Variants in OSMR observed in about 807,000 individuals in gnomAD.
OSMR encodes oncostatin-M-specific receptor subunit beta.
OSMR carries 81 observed loss-of-function variants against 99.9 expected under a neutral mutation model. The ratio of observed to expected loss-of-function variants is 0.81; its 90% CI spans 0.68 to 0.97. The LOEUF is 0.97. OSMR is among the 50% of genes least tolerant of loss of function. OSMR has a pLI of 0.00. For synonymous variants in OSMR, 406 were observed against 410.4 expected, an observed-to-expected ratio of 0.99 and a Z score of 0.13; for missense variants, 1,099 against 1,153.4, an observed-to-expected ratio of 0.95 and a Z score of 0.68.
At chr5:38,871,578 C>T (rs1009338666) in intron 2 of OSMR, among the ~76,000 whole-genome samples, 9 of 152,190 alleles carry the variant, frequency 5.9e-5, no homozygotes, top group East Asian at 1.9e-4. Context: ...CTCCAATCAA[C>T]GAGGCAGAGC....
rs1038219027 is a variant in OSMR, at chr5:38,871,438, T to G, written c.73+2321T>G. Reference sequence around the variant, plus strand: ...TTGCCCTGACCTGTACTATTTGGATTTCTTGTCTCAATTTCTGCTGCATTT... The same window carrying G: ...TTGCCCTGACCTGTACTATTTGGATGTCTTGTCTCAATTTCTGCTGCATTT... On this transcript the variant is annotated intron_variant, in intron 2 of 17. Transcript: ENST00000274276. 9.9e-5 allele frequency among the ~76,000 whole-genome samples: 15 copies of G among 152,248 alleles called. 1 individual carries two copies. The highest frequency in any genetic ancestry group is 3.6e-4 in the African/African-American group (15 of 41,456).
intron 9 of OSMR, 132 bp from the exon 10 acceptor site, chr5:38,917,414 G>T: frequency 6.8e-7 from 1 of 1,477,742 alleles, no homozygotes; most frequent in Non-Finnish European, 9.1e-7. Context: ...AAGTCATAGA[G>T]AGTGAAAACG....
chr5:38,861,572 C>T (rs1055841866), intron 1 of OSMR, among the ~76,000 whole-genome samples: 1 of 152,240 alleles, frequency 6.6e-6, no homozygotes, highest in African/African-American at 2.4e-5. Context: ...CCCACCTTTC[C>T]CCCCTCTCTA....
chr5:38,939,238 G>C (rs1422647733), downstream of OSMR: 9 of 232,632 alleles, frequency 3.9e-5, no homozygotes, highest in African/African-American at 2.0e-4. Flanking sequence ...TGAACACTTG[G>C]CCGTTGTGAT....
At chr5:38,857,930 A>G (rs1011429758) in intron 1 of OSMR, among the ~76,000 whole-genome samples, 1 of 152,030 alleles carries the variant, frequency 6.6e-6, no homozygotes, top group Non-Finnish European at 1.5e-5. Context: ...AGCCTCCCAA[A>G]ATGCTGGGAT....
intron 11 of OSMR, among the ~76,000 whole-genome samples, chr5:38,920,583 G>A (rs1483242995): frequency 3.9e-5 from 6 of 152,140 alleles, no homozygotes; most frequent in African/African-American, 1.4e-4. Context: ...TTATACCTAG[G>A]GCTACACATT....
chr5:38,918,409 C>T (rs753169359), intron 10 of OSMR, among the ~76,000 whole-genome samples: 1 of 152,102 alleles, frequency 6.6e-6, no homozygotes, highest in Non-Finnish European at 1.5e-5. Flanking sequence ...AGCAGCTAAT[C>T]CCTGTACGGC....
intron 10 of OSMR, 22 bp from the exon 11 acceptor site, chr5:38,918,817 AT>A: frequency 6.2e-7 from 1 of 1,613,158 alleles, no homozygotes; most frequent in Non-Finnish European, 8.5e-7. Context: ...CCATTTAAAA[AT>A]GTTTATCAAT....
intron 7 of OSMR, among the ~76,000 whole-genome samples, chr5:38,899,168 C>T (rs1401740438): frequency 6.6e-6 from 1 of 152,070 alleles, no homozygotes; most frequent in Non-Finnish European, 1.5e-5. Flanking sequence ...CCATGTTGGC[C>T]AGGCTGGTCT....
intron 13 of OSMR, 22 bp from the exon 14 acceptor site, chr5:38,924,400 T>C (rs2112664686): frequency 1.9e-6 from 3 of 1,614,070 alleles, no homozygotes; most frequent in South Asian, 1.1e-5. Context: ...GACTTTTCTC[T>C]TATCCCAACT....
At chr5:38,881,521 G>T in intron 3 of OSMR, 72 bp from the exon 4 acceptor site, 3 of 1,613,246 alleles carry the variant, frequency 1.9e-6, no homozygotes, top group South Asian at 1.1e-5. Context: ...TGTGCTTTGG[G>T]ATAAGTCAAG....
intron 2 of OSMR, among the ~76,000 whole-genome samples, chr5:38,873,998 G>A (rs542155917): frequency 1.3e-5 from 2 of 151,906 alleles, no homozygotes; most frequent in East Asian, 3.9e-4. Flanking sequence ...CCAGCTACTT[G>A]TTGTATTTTT....
intron 14 of OSMR, among the ~76,000 whole-genome samples, chr5:38,924,859 C>G (rs1278722717): frequency 6.7e-6 from 1 of 149,352 alleles, no homozygotes; most frequent in Non-Finnish European, 1.5e-5. Flanking sequence ...GAAAGCCTGG[C>G]CTTTATGAAA....
intron 3 of OSMR, among the ~76,000 whole-genome samples, chr5:38,877,561 G>C (rs1579683319): frequency 6.6e-6 from 1 of 152,052 alleles, no homozygotes. Context: ...CCTTATACTA[G>C]CAAGTCTGAT....
intron 9 of OSMR, among the ~76,000 whole-genome samples, chr5:38,912,927 C>T: frequency 6.6e-6 from 1 of 152,030 alleles, no homozygotes; most frequent in Non-Finnish European, 1.5e-5. Flanking sequence ...AAAATTAACT[C>T]GAGATGAATT....
intron 15 of OSMR, among the ~76,000 whole-genome samples, chr5:38,930,859 A>G (rs1207601976): frequency 6.6e-6 from 1 of 152,124 alleles, no homozygotes; most frequent in African/African-American, 2.4e-5. Context: ...GACTACAAAG[A>G]TTAATAATAA....
chr5:38,865,829 T>A (rs1194973707), intron 1 of OSMR, among the ~76,000 whole-genome samples: 2 of 152,150 alleles, frequency 1.3e-5, no homozygotes, highest in Admixed American at 6.5e-5. Context: ...GTGCTGGTAA[T>A]GGTAGTTGTG....
intron 7 of OSMR, among the ~76,000 whole-genome samples, chr5:38,899,031 G>A (rs1040635425): frequency 1.5e-5 from 2 of 134,282 alleles, no homozygotes; most frequent in Non-Finnish European, 3.0e-5. Context: ...TGCGATTTTA[G>A]CTCACTGCAA....
At chr5:38,849,587 C>T (rs1391820706) in intron 1 of OSMR, among the ~76,000 whole-genome samples, 2 of 151,902 alleles carry the variant, frequency 1.3e-5, no homozygotes, top group Admixed American at 6.6e-5. Flanking sequence ...AAATCACATA[C>T]ATTTTCTCTT....
Sources: gnomAD v4.1 joint callset for allele counts (sites outside exome capture counted in the v4.1 genomes callset) on GRCh38, gnomAD v4.1.1 for gene constraint, MANE v1.5 for transcripts, NCBI Gene and HGNC (gene_info 2026-07-23, HGNC 2026-07-21) for gene names.